The following TFCP2L1 variants were observed in gnomAD, a reference collection of about 807,000 sequenced individuals.
The protein encoded by TFCP2L1 is transcription factor CP2-like protein 1.
In TFCP2L1, 12 loss-of-function variants were observed where a neutral mutation model predicts 72.2. That is an observed-to-expected ratio of 0.17 (90% CI 0.11 to 0.27). The LOEUF (loss-of-function observed/expected upper bound fraction) is 0.27. TFCP2L1 is among the 10% of genes least tolerant of loss of function. The pLI, the probability that TFCP2L1 is intolerant of heterozygous loss-of-function variation, is 1.00. For synonymous variants in TFCP2L1, 260 were observed against 251.0 expected, an observed-to-expected ratio of 1.04 and a Z score of -0.34; for missense variants, 488 against 624.6, an observed-to-expected ratio of 0.78 and a Z score of 2.33.
At position 121,252,610 on chromosome 2, in the gene TFCP2L1, C is replaced by T. The variant is rs547442823; in HGVS notation, c.215-2963G>A. Among the ~76,000 whole-genome samples, 221 of 152,102 alleles carry T rather than the reference C, an allele frequency of 1.5e-3. 1 individual carries two copies. Among genetic ancestry groups the T allele is most frequent in the Middle Eastern group, 6.8e-3 (2 of 292 alleles). ...GAAAAGAGAGGAGGCACCATGTGAC[C>T]ACAGAGGCAGAGACTGCTGTGACAG... On this transcript the variant is annotated intron_variant, in intron 2 of 14. Coordinates refer to ENST00000263707, the MANE Select transcript of TFCP2L1 (RefSeq NM_014553.3).
intron 6 of TFCP2L1, among the ~76,000 whole-genome samples, chr2:121,243,325 G>C (rs1255029488): frequency 2.0e-5 from 3 of 152,208 alleles, no homozygotes; most frequent in Non-Finnish European, 4.4e-5. Flanking sequence ...GGCACCTTGA[G>C]GGATTTTCAT....
At position 121,285,136 on chromosome 2, in the gene TFCP2L1, G is replaced by C; in HGVS notation, c.-27C>G. ...GCTGGAACTCCCAGCGCGCCGACCG[G>C]GGCGCGGCAGCAAGCGCAGACGCGG... On this transcript the variant is annotated 5_prime_UTR_variant, in exon 1 of 15. Transcript: ENST00000263707. 6.8e-7 allele frequency: 1 copy of C among 1,472,466 alleles called. No homozygotes were observed. The highest frequency in any genetic ancestry group is 9.0e-7 in the Non-Finnish European group (1 of 1,109,162). 91.2% of individuals were successfully genotyped at this position (1,472,466 alleles called of 1,614,324 possible).
At chr2:121,273,271 G>C in intron 2 of TFCP2L1, among the ~76,000 whole-genome samples, 1 of 152,002 alleles carries the variant, frequency 6.6e-6, no homozygotes, top group Admixed American at 6.6e-5. Flanking sequence ...GATTGCCTGG[G>C]GTTCTCTCTT....
chr2:121,280,996 TTCCCGAGCCCGACCTC>T lies in TFCP2L1; in HGVS notation c.214+108_214+123del, dbSNP rs1687245584. ...GAATCTGAACCTGCACCTGTTCTCT[TTCCCGAGCCCGACCTC>T]GCCCGACCTCACCCACCGTAACAAA... On this transcript the variant is annotated intron_variant, in intron 2 of 14. Transcript: ENST00000263707. The T allele has an allele frequency of 1.1e-5, 14 of 1,251,538 alleles. No individual in the cohort carries two copies. The African/African-American group carries it at 1.2e-4, about 11-fold the overall frequency. 77.5% of individuals were successfully genotyped at this position (1,251,538 alleles called of 1,614,324 possible).
intron 6 of TFCP2L1, among the ~76,000 whole-genome samples, chr2:121,245,552 T>TAA (rs1686463631): frequency 2.0e-5 from 3 of 152,162 alleles, no homozygotes; most frequent in Non-Finnish European, 4.4e-5. Flanking sequence ...CATCACTGAC[T>TAA]AACCAAGGCG....
intron 2 of TFCP2L1, among the ~76,000 whole-genome samples, chr2:121,277,209 C>T (rs566765986): frequency 2.0e-5 from 3 of 152,210 alleles, no homozygotes; most frequent in South Asian, 4.1e-4. Flanking sequence ...CACAGAAATG[C>T]TAATTTAAGG....
At position 121,240,182 on chromosome 2, in the gene TFCP2L1, T is replaced by C. The variant is rs956436957; in HGVS notation, c.769-533A>G. ...CAAAAGCAGCTCCTCTCGGTGAAAT[T>C]TGATGGTGTTCATTCCATTTCAGGC... On this transcript the variant is annotated intron_variant, in intron 7 of 14. Coordinates refer to ENST00000263707, the MANE Select transcript of TFCP2L1 (RefSeq NM_014553.3). 2.5e-5 allele frequency: 25 copies of C among 985,040 alleles called. 1 individual carries two copies. The Middle Eastern group carries it at 1.5e-3, about 61-fold the overall frequency. 61.0% of individuals were successfully genotyped at this position (985,040 alleles called of 1,614,324 possible).
At chr2:121,239,216 A>G (rs897547756) in intron 8 of TFCP2L1, among the ~76,000 whole-genome samples, 2 of 152,186 alleles carry the variant, frequency 1.3e-5, no homozygotes, top group African/African-American at 4.8e-5. Flanking sequence ...AGAACCAGGA[A>G]AGGCCCCCCA....
chr2:121,255,704 C>T (rs1686701396), intron 2 of TFCP2L1, among the ~76,000 whole-genome samples: 1 of 152,106 alleles, frequency 6.6e-6, no homozygotes, highest in South Asian at 2.1e-4. Context: ...CATCTGGCTC[C>T]AATATTCAAG....
intron 4 of TFCP2L1, among the ~76,000 whole-genome samples, chr2:121,248,581 C>T (rs746089709): frequency 6.6e-6 from 1 of 152,138 alleles, no homozygotes; most frequent in Non-Finnish European, 1.5e-5. Flanking sequence ...TTCTGAATTC[C>T]AAAACCCACC....
chr2:121,268,318 A>C (rs1230115312), intron 2 of TFCP2L1, among the ~76,000 whole-genome samples: 1 of 151,846 alleles, frequency 6.6e-6, no homozygotes, highest in Admixed American at 6.6e-5. Flanking sequence ...AAATATTTAC[A>C]TTTTTTTTAA....
At chr2:121,234,287 T>C in intron 11 of TFCP2L1, 93 bp from the exon 12 acceptor site, 1 of 1,193,976 alleles carries the variant, frequency 8.4e-7, no homozygotes, top group Non-Finnish European at 1.2e-6. Flanking sequence ...TGGGCAGAAC[T>C]CAGGGAGGAA....
intron 2 of TFCP2L1, among the ~76,000 whole-genome samples, chr2:121,278,144 C>T (rs979927083): frequency 4.1e-5 from 6 of 148,130 alleles, no homozygotes; most frequent in Non-Finnish European, 8.9e-5. Context: ...TCACGCCATT[C>T]TCCTGCCTCA....
intron 2 of TFCP2L1, among the ~76,000 whole-genome samples, chr2:121,278,137 C>T (rs1292131855): frequency 6.7e-5 from 10 of 148,280 alleles, no homozygotes; most frequent in South Asian, 2.1e-4. Context: ...CCCGGGTTCA[C>T]GCCATTCTCC....
intron 1 of TFCP2L1, among the ~76,000 whole-genome samples, chr2:121,282,956 C>CA (rs1687294897): frequency 6.6e-6 from 1 of 152,152 alleles, no homozygotes; most frequent in Non-Finnish European, 1.5e-5. Context: ...AATAAGGGTG[C>CA]AAGGCCGTCT....
Position 121,246,803 on chromosome 2 carries a change from G to A in TFCP2L1, c.657+15C>T. 1.2e-6 allele frequency: 2 copies of A among 1,614,024 alleles called. No individual in the cohort carries two copies. Among genetic ancestry groups the A allele is most frequent in the Non-Finnish European group, 1.7e-6 (2 of 1,179,930 alleles). On this transcript the variant is annotated intron_variant, in intron 6 of 14. Transcript: ENST00000263707. ...CCAGCAGCAGGGCACGGCAGAGCCT[G>A]CGAAGCCATCCTACCTTGAACACCT...
chr2:121,245,831 G>C (rs1686469326), intron 6 of TFCP2L1, among the ~76,000 whole-genome samples: 1 of 152,116 alleles, frequency 6.6e-6, no homozygotes, highest in African/African-American at 2.4e-5. Flanking sequence ...TCCAAGCATG[G>C]GTCTTCCACA....
At chr2:121,266,948 T>C (rs1057256796) in intron 2 of TFCP2L1, among the ~76,000 whole-genome samples, 6 of 151,944 alleles carry the variant, frequency 3.9e-5, no homozygotes, top group African/African-American at 1.5e-4. Flanking sequence ...AGTCTCACCC[T>C]GTTGCTCAGA....
At chr2:121,259,823 T>C (rs1284933072) in intron 2 of TFCP2L1, among the ~76,000 whole-genome samples, 1 of 152,216 alleles carries the variant, frequency 6.6e-6, no homozygotes, top group Non-Finnish European at 1.5e-5. Context: ...AAATTAGATA[T>C]ATCTTCAGTA....
Sources: allele counts gnomAD v4.1 joint callset (sites outside exome capture counted in the v4.1 genomes callset), GRCh38; gene constraint gnomAD v4.1.1; transcripts MANE v1.5; gene names NCBI Gene and HGNC (gene_info 2026-07-23, HGNC 2026-07-21).